KCTD3: variants seen among roughly 807,000 people sequenced by gnomAD.
KCTD3 encodes BTB/POZ domain-containing protein KCTD3.
KCTD3 carries 41 observed loss-of-function variants against 85.8 expected under a neutral mutation model. The observed-to-expected ratio is 0.48, with a 90% CI of 0.37 to 0.62. KCTD3 has a LOEUF of 0.62. Among genes scored for constraint, KCTD3 ranks in the 20% least tolerant of loss-of-function variants. The probability of loss-of-function intolerance (pLI) is 0.00; values close to 1 mark genes in which losing one functional copy is unlikely to be tolerated. For synonymous variants in KCTD3, 338 were observed against 345.4 expected (o/e 0.98, Z 0.24); for missense variants, 724 against 989.9 (o/e 0.73, Z 3.60).
rs573760315 is a variant in KCTD3 at position 215,616,632 on chromosome 1, C to T, written c.1563-2254C>T. Among the ~76,000 whole-genome samples, 5 of 152,132 alleles carry T rather than the reference C, an allele frequency of 3.3e-5. No individual in the cohort carries two copies. The East Asian group carries it at 7.7e-4, about 24-fold the overall frequency. On this transcript the variant is annotated intron_variant, in intron 15 of 17. Coordinates refer to ENST00000259154, the MANE Select transcript of KCTD3 (RefSeq NM_016121.5). The stretch of plus-strand genomic sequence containing the variant: ...AAAATTAGCCAGGCCTGGTGGCACA[C>T]GCCTGTAATCCCAGCTACTCAGGAG...
At chr1:215,611,258 C>A (rs1389684061) in intron 14 of KCTD3, among the ~76,000 whole-genome samples, 2 of 151,888 alleles carry the variant, frequency 1.3e-5, no homozygotes, top group Non-Finnish European at 2.9e-5. Context: ...GTACTTTAAT[C>A]TTCATACTGT....
At chr1:215,583,633 A>G (rs1417421658) in intron 8 of KCTD3, among the ~76,000 whole-genome samples, 4 of 152,136 alleles carry the variant, frequency 2.6e-5, no homozygotes, top group Admixed American at 2.0e-4. Flanking sequence ...CTCAGTCCCC[A>G]TTCAACTCTG....
rs746942755 is a variant in KCTD3 at position 215,577,639 on chromosome 1, T to C, written c.258-31T>C. ...AGATGATAATACAGGTTTCCAGTGTTAGAGAATTTACATCATTTGTTTCTT... is the reference window on the plus strand; with the variant it reads ...AGATGATAATACAGGTTTCCAGTGTCAGAGAATTTACATCATTTGTTTCTT... On this transcript the variant is annotated intron_variant, in intron 4 of 17. Coordinates refer to ENST00000259154, the MANE Select transcript of KCTD3 (RefSeq NM_016121.5). The C allele has an allele frequency of 6.9e-6, 10 of 1,451,792 alleles. No individual in the cohort carries two copies. The Admixed American group carries it at 1.3e-4, about 19-fold the overall frequency. 89.9% of individuals were successfully genotyped at this position (1,451,792 alleles called of 1,614,324 possible). A position where few individuals can be genotyped will look rare whatever the true frequency, so the allele number is the denominator to read the frequency against.
intron 9 of KCTD3, among the ~76,000 whole-genome samples, chr1:215,594,442 C>G (rs1571886069): frequency 6.6e-6 from 1 of 152,196 alleles, no homozygotes; most frequent in Non-Finnish European, 1.5e-5. Flanking sequence ...CTCACCTACA[C>G]TTACTCTTCT....
chr1:215,568,106 A>T (rs535195811), intron 1 of KCTD3, among the ~76,000 whole-genome samples: 1 of 152,282 alleles, frequency 6.6e-6, no homozygotes, highest in South Asian at 2.1e-4. Flanking sequence ...ATTAGAGTGT[A>T]TTTGAGGACT....
At chr1:215,583,702 A>C (rs1659909339) in intron 8 of KCTD3, among the ~76,000 whole-genome samples, 1 of 152,084 alleles carries the variant, frequency 6.6e-6, no homozygotes, top group African/African-American at 2.4e-5. Flanking sequence ...CTTAATCCTA[A>C]GGGTTTCAGA....
chr1:215,581,922 A>G (rs1467254634), intron 8 of KCTD3, among the ~76,000 whole-genome samples: 1 of 152,170 alleles, frequency 6.6e-6, no homozygotes, highest in East Asian at 1.9e-4. Flanking sequence ...CAAAACCTTT[A>G]AAAAAAGAGT....
intron 13 of KCTD3, among the ~76,000 whole-genome samples, chr1:215,607,408 G>A (rs1262364517): frequency 1.3e-5 from 2 of 151,910 alleles, no homozygotes; most frequent in Non-Finnish European, 2.9e-5. Flanking sequence ...AGACATTTCA[G>A]TATATGCTCA....
At chr1:215,577,872 T>C in intron 5 of KCTD3, 129 bp from the exon 6 acceptor site, 1 of 1,405,772 alleles carries the variant, frequency 7.1e-7, no homozygotes, top group Non-Finnish European at 9.8e-7. Flanking sequence ...TAAAAAGATG[T>C]TGTCAACTCT....
At position 215,580,846 on chromosome 1, in the gene KCTD3, AT is replaced by A. The variant is rs199687655; in HGVS notation, c.626+857del. 9.2e-3 allele frequency: 2,735 copies of A among 296,048 alleles called. 8 individuals are homozygous for A. The highest frequency in any genetic ancestry group is 0.019 in the African/African-American group (813 of 43,404). 18.3% of individuals were successfully genotyped at this position (296,048 alleles called of 1,614,324 possible). On this transcript the variant is annotated intron_variant, in intron 8 of 17. Transcript: ENST00000259154. Reference sequence around the variant, plus strand: ...ATATAGTTTAAAGAATCCCAGATGTATTTTTTTTTTAAAAATCTGAATTTAT... The same window carrying A: ...ATATAGTTTAAAGAATCCCAGATGTATTTTTTTTTAAAAATCTGAATTTAT...
At chr1:215,615,939 G>T (rs1051486106) in intron 15 of KCTD3, among the ~76,000 whole-genome samples, 5 of 152,186 alleles carry the variant, frequency 3.3e-5, no homozygotes, top group Non-Finnish European at 5.9e-5. Context: ...GACTGTCTCT[G>T]TGTGGCATTC....
At chr1:215,591,643 C>T (rs962583470) in intron 9 of KCTD3, among the ~76,000 whole-genome samples, 8 of 152,158 alleles carry the variant, frequency 5.3e-5, no homozygotes, top group East Asian at 1.9e-4. Flanking sequence ...CGTGAGCCAC[C>T]GCGCCCGGCC....
chr1:215,576,033 G>A, intron 4 of KCTD3, 59 bp downstream of exon 4: 1 of 878,652 alleles, frequency 1.1e-6, no homozygotes, highest in Non-Finnish European at 1.8e-6. Flanking sequence ...TTTTTAATAT[G>A]TTTTATGAAA....
At chr1:215,618,790 A>G in intron 15 of KCTD3, 96 bp from the exon 16 acceptor site, 1 of 913,856 alleles carries the variant, frequency 1.1e-6, no homozygotes, top group Non-Finnish European at 1.7e-6. Flanking sequence ...CTAGTATAAC[A>G]TGTTTGCTTT....
intron 9 of KCTD3, among the ~76,000 whole-genome samples, chr1:215,592,067 G>T (rs1660246188): frequency 6.6e-6 from 1 of 152,152 alleles, no homozygotes; most frequent in Admixed American, 6.5e-5. Context: ...GATCTTGTGA[G>T]ACAATCCATT....
At chr1:215,589,690 A>G (rs1042662854) in intron 9 of KCTD3, among the ~76,000 whole-genome samples, 1 of 152,128 alleles carries the variant, frequency 6.6e-6, no homozygotes, top group Non-Finnish European at 1.5e-5. Context: ...GTAGAATTAT[A>G]TAGTATTTAT....
intron 14 of KCTD3, among the ~76,000 whole-genome samples, chr1:215,608,678 A>G (rs1275366109): frequency 6.6e-6 from 1 of 151,960 alleles, no homozygotes; most frequent in African/African-American, 2.4e-5. Context: ...TCTATACACC[A>G]TACATACGTG....
At chr1:215,582,291 C>T (rs1396773600) in intron 8 of KCTD3, among the ~76,000 whole-genome samples, 1 of 152,160 alleles carries the variant, frequency 6.6e-6, no homozygotes, top group Non-Finnish European at 1.5e-5. Context: ...TCAGTTCTCT[C>T]ATTTCCTTAA....
At chr1:215,604,090 C>A (rs757827427) in intron 12 of KCTD3, 42 bp from the exon 13 acceptor site, 28 of 1,456,136 alleles carry the variant, frequency 1.9e-5, no homozygotes, top group Non-Finnish European at 2.5e-5. Context: ...TTTTTATTAT[C>A]GTTCCATAAT....
Sources: gnomAD v4.1 joint callset for allele counts (sites outside exome capture counted in the v4.1 genomes callset) on GRCh38, gnomAD v4.1.1 for gene constraint, MANE v1.5 for transcripts, NCBI Gene and HGNC (gene_info 2026-07-23, HGNC 2026-07-21) for gene names.